SLX9: variants seen among roughly 807,000 people sequenced by gnomAD.
SLX9 encodes the protein ribosome biogenesis protein SLX9 homolog.
Under a neutral mutation model 20.8 loss-of-function variants are expected in SLX9, and 19 were observed. That is an observed-to-expected ratio of 0.91 (90% CI 0.64 to 1.34). SLX9 has a LOEUF of 1.34. SLX9 is among the 40% of genes most tolerant of loss of function. The pLI, the probability that SLX9 is intolerant of heterozygous loss-of-function variation, is 0.00. For missense variants in SLX9, 299 were observed against 322.2 expected, an observed-to-expected ratio of 0.93 and a Z score of 0.55; for synonymous variants, 113 against 137.1, an observed-to-expected ratio of 0.82 and a Z score of 1.23.
intron 2 of SLX9, among the ~76,000 whole-genome samples, chr21:44,945,371 A>G (rs2084623711): frequency 1.3e-5 from 2 of 152,278 alleles, no homozygotes; most frequent in Non-Finnish European, 2.9e-5. Flanking sequence ...GGCTGTCCCC[A>G]AGGGGATGGG....
At chr21:44,944,555 C>A (rs972827222) in intron 2 of SLX9, among the ~76,000 whole-genome samples, 1 of 152,198 alleles carries the variant, frequency 6.6e-6, no homozygotes, top group Admixed American at 6.5e-5. Flanking sequence ...AGGGATAAAT[C>A]CAGGAAAAAG....
intron 2 of SLX9, among the ~76,000 whole-genome samples, chr21:44,945,365 G>T (rs1246512640): frequency 6.6e-6 from 1 of 152,238 alleles, no homozygotes; most frequent in Non-Finnish European, 1.5e-5. Context: ...CCTTAAGGCT[G>T]TCCCCAAGGG....
At chr21:44,951,381 G>A (rs866549679) in intron 2 of SLX9, among the ~76,000 whole-genome samples, 1 of 152,112 alleles carries the variant, frequency 6.6e-6, no homozygotes, top group East Asian at 1.9e-4. Flanking sequence ...GAAGCAGGGG[G>A]ACAGGCTGTG....
chr21:44,969,455 C>T (rs577119740), intron 4 of SLX9, among the ~76,000 whole-genome samples: 1 of 152,332 alleles, frequency 6.6e-6, no homozygotes, highest in African/African-American at 2.4e-5. Flanking sequence ...TGCCTCCCTG[C>T]GGGGCTCTGG....
intron 2 of SLX9, among the ~76,000 whole-genome samples, chr21:44,953,683 T>G (rs2084802669): frequency 6.6e-6 from 1 of 152,192 alleles, no homozygotes; most frequent in Admixed American, 6.5e-5. Context: ...AGGCCAGGTG[T>G]GGCTCAGGAG....
At chr21:44,944,884 G>T (rs905007956) in intron 2 of SLX9, among the ~76,000 whole-genome samples, 4 of 152,246 alleles carry the variant, frequency 2.6e-5, no homozygotes, top group African/African-American at 9.6e-5. Flanking sequence ...TCTGTCAAAG[G>T]AGGTAACAGT....
At chr21:44,976,062 G>C (rs529038374) in intron 5 of SLX9, among the ~76,000 whole-genome samples, 3 of 152,250 alleles carry the variant, frequency 2.0e-5, no homozygotes, top group Non-Finnish European at 4.4e-5. Context: ...AGCTGCCCCC[G>C]AGGCTTCTGT....
chr21:44,971,931 G>C (rs1047856600), intron 4 of SLX9, among the ~76,000 whole-genome samples: 8 of 152,202 alleles, frequency 5.3e-5, no homozygotes, highest in Non-Finnish European at 8.8e-5. Flanking sequence ...CAGAGGGGAC[G>C]GGAGATGCGA....
intron 4 of SLX9, chr21:44,969,272 C>T (rs2123449737): frequency 2.2e-6 from 1 of 459,836 alleles, no homozygotes; most frequent in Non-Finnish European, 4.6e-6. Flanking sequence ...GGAGCGGCCG[C>T]CCGGAGTGGC....
At chr21:44,956,300 G>A (rs1229078884) in intron 2 of SLX9, among the ~76,000 whole-genome samples, 2 of 152,006 alleles carry the variant, frequency 1.3e-5, no homozygotes, top group Non-Finnish European at 2.9e-5. Context: ...GCCCCTTTGT[G>A]TCCTCTGCAG....
In SLX9 at chr21:44,973,065, G is replaced by T. The variant is rs2085185886; in HGVS notation, c.501-132G>T. 9.6e-6 allele frequency: 5 copies of T among 523,316 alleles called. No homozygotes were observed. In the South Asian group the frequency reaches 1.5e-4, roughly 16 times the overall value. 32.4% of individuals were successfully genotyped at this position (523,316 alleles called of 1,614,324 possible). ...GGCCACAGTGCAGCTTGGAACTTGT[G>T]GTTCTGCAGTGGTTTGGTCACCTCT... On this transcript the variant is annotated intron_variant, in intron 4 of 5. Coordinates refer to ENST00000291634, the MANE Select transcript of SLX9 (RefSeq NM_058190.4).
chr21:44,967,317 T>A (rs2085056226), intron 4 of SLX9, 136 bp downstream of exon 4: 2 of 1,279,540 alleles, frequency 1.6e-6, no homozygotes, highest in Non-Finnish European at 2.1e-6. Flanking sequence ...CTCCAGCCGG[T>A]GCTCCGCACA....
intron 4 of SLX9, among the ~76,000 whole-genome samples, chr21:44,971,852 A>G (rs564018911): frequency 2.0e-5 from 3 of 152,188 alleles, no homozygotes; most frequent in Non-Finnish European, 4.4e-5. Context: ...GGCCCAGGAG[A>G]GGCCGTGGGG....
intron 2 of SLX9, among the ~76,000 whole-genome samples, chr21:44,946,743 C>T (rs2084650170): frequency 6.6e-6 from 1 of 152,240 alleles, no homozygotes; most frequent in East Asian, 1.9e-4. Flanking sequence ...CTGTGGCTCT[C>T]AGCCCAGGGT....
At chr21:44,967,230 G>T (rs1342909561) in intron 4 of SLX9, 49 bp downstream of exon 4, 5 of 1,526,864 alleles carry the variant, frequency 3.3e-6, no homozygotes, top group Non-Finnish European at 3.5e-6. Context: ...GGCTGACCCG[G>T]GTCCAGAGGT....
intron 4 of SLX9, among the ~76,000 whole-genome samples, chr21:44,972,055 A>G (rs951292816): frequency 6.6e-6 from 1 of 152,212 alleles, no homozygotes; most frequent in Admixed American, 6.5e-5. Flanking sequence ...TTGGGCAGAC[A>G]CAAAATGTCT....
chr21:44,962,176 T>C (rs1423580699), intron 3 of SLX9, among the ~76,000 whole-genome samples: 2 of 152,212 alleles, frequency 1.3e-5, no homozygotes, highest in African/African-American at 2.4e-5. Flanking sequence ...CTTTTGAAGA[T>C]TGTATTTACA....
chr21:44,951,621 T>C (rs2084758496), intron 2 of SLX9, among the ~76,000 whole-genome samples: 1 of 152,156 alleles, frequency 6.6e-6, no homozygotes, highest in Admixed American at 6.6e-5. Flanking sequence ...CATTGCAGAA[T>C]AGACAAATAC....
intron 3 of SLX9, among the ~76,000 whole-genome samples, chr21:44,960,460 G>T (rs2084933081): frequency 6.6e-6 from 1 of 152,250 alleles, no homozygotes; most frequent in South Asian, 2.1e-4. Context: ...GCCTCCCTTT[G>T]GAGGACGGCC....
Sources: allele counts gnomAD v4.1 joint callset (sites outside exome capture counted in the v4.1 genomes callset), GRCh38; gene constraint gnomAD v4.1.1; transcripts MANE v1.5; gene names NCBI Gene and HGNC (gene_info 2026-07-23, HGNC 2026-07-21).